Variants in PCDH9 observed in about 807,000 individuals in gnomAD.
PCDH9 encodes the protein protocadherin 9.
A neutral mutation model predicts 70.6 loss-of-function variants in PCDH9; 24 were observed. The ratio of observed to expected loss-of-function variants is 0.34; its 90% CI spans 0.25 to 0.48. The LOEUF is 0.48. Among genes scored for constraint, PCDH9 ranks in the 20% least tolerant of loss-of-function variants. The pLI, the probability that PCDH9 is intolerant of heterozygous loss-of-function variation, is 0.99. For missense variants in PCDH9, 1,281 were observed against 1,503.6 expected (o/e 0.85, Z 2.45); for synonymous variants, 562 against 558.5 (o/e 1.01, Z -0.09).
At chr13:67,144,921 G>C (rs1231336631) in intron 2 of PCDH9, among the ~76,000 whole-genome samples, 1 of 152,046 alleles carries the variant, frequency 6.6e-6, no homozygotes, top group Non-Finnish European at 1.5e-5. Context: ...AATCCCACCT[G>C]TCACTTTAAC....
At chr13:66,873,699 A>C (rs1309861534) in intron 3 of PCDH9, among the ~76,000 whole-genome samples, 1 of 151,924 alleles carries the variant, frequency 6.6e-6, no homozygotes, top group East Asian at 1.9e-4. Flanking sequence ...CAGCTTCCCA[A>C]GCCTTCCTCT....
intron 2 of PCDH9, among the ~76,000 whole-genome samples, chr13:67,156,565 T>G (rs906109407): frequency 6.6e-6 from 1 of 152,068 alleles, no homozygotes; most frequent in Admixed American, 6.6e-5. Context: ...ATCTCCCTTC[T>G]GGCTCCCCCA....
chr13:66,604,169 T>C (rs574223244), intron 4 of PCDH9, among the ~76,000 whole-genome samples: 10 of 152,196 alleles, frequency 6.6e-5, no homozygotes, highest in Non-Finnish European at 1.0e-4. Flanking sequence ...TATTCTCTTA[T>C]GCTTTCTTTG....
At chr13:66,322,213 C>G (rs948153438) in intron 4 of PCDH9, among the ~76,000 whole-genome samples, 2 of 151,868 alleles carry the variant, frequency 1.3e-5, no homozygotes, top group East Asian at 3.9e-4. Flanking sequence ...ACTCAAGTCC[C>G]TAACAAAATA....
chr13:66,406,860 A>G (rs1397671009), intron 4 of PCDH9, among the ~76,000 whole-genome samples: 1 of 152,196 alleles, frequency 6.6e-6, no homozygotes. Flanking sequence ...TTCCTTCATC[A>G]TGTTTTCATC....
rs748410495 is a variant in PCDH9, at chr13:67,227,784, C to T, written c.657G>A (p.Val219=). 22 of 1,613,708 alleles carry T rather than the reference C, an allele frequency of 1.4e-5. No individual in the cohort carries two copies. The highest frequency in any genetic ancestry group is 1.8e-5 in the Non-Finnish European group (21 of 1,179,712). ...NLDREQKDTY[V]MKIKVEDGGT... ...CTCCATCCTCTACTTTGATTTTCATCACATAGGTATCTTTCTGTTCTCTAT... is the reference window on the plus strand; with the variant it reads ...CTCCATCCTCTACTTTGATTTTCATTACATAGGTATCTTTCTGTTCTCTAT... The change falls in exon 2 of 5, where the codon GTG becomes GTA. Residue 219 remains valine (V), a synonymous_variant. Coordinates refer to ENST00000377865, the MANE Select transcript of PCDH9 (RefSeq NM_203487.3). The surrounding 1 kb of genome is among the most constrained non-coding windows in gnomAD (Gnocchi z 4.6).
At chr13:66,562,534 G>A (rs2076588884) in intron 4 of PCDH9, among the ~76,000 whole-genome samples, 1 of 152,172 alleles carries the variant, frequency 6.6e-6, no homozygotes, top group Admixed American at 6.5e-5. Context: ...GTCTTACATG[G>A]TAGCAGGCAA....
chr13:67,223,847 T>C (rs2089787771), intron 2 of PCDH9: 1 of 152,154 alleles, frequency 6.6e-6, no homozygotes, highest in East Asian at 1.9e-4. Flanking sequence ...CTCTACTGTT[T>C]AATATTTTAC....
chr13:66,673,837 G>A (rs566944626), intron 3 of PCDH9, among the ~76,000 whole-genome samples: 2 of 152,094 alleles, frequency 1.3e-5, no homozygotes, highest in South Asian at 4.2e-4. Context: ...CACAGCATTC[G>A]TTTAAGTAAT....
At chr13:66,466,279 AC>A (rs1256869799) in intron 4 of PCDH9, among the ~76,000 whole-genome samples, 1 of 151,864 alleles carries the variant, frequency 6.6e-6, no homozygotes, top group African/African-American at 2.4e-5. Flanking sequence ...CCATTGATAC[AC>A]TATGAATTCT....
At position 67,199,489 on chromosome 13, in the gene PCDH9, TAA is replaced by T. The variant is rs1321250842; in HGVS notation, c.3036+25914_3036+25915del. On this transcript the variant is annotated intron_variant, in intron 2 of 4. Transcript: ENST00000377865. ...GCAAAATACATCTTTGAAGTGAAAT[TAA>T]GTGACGAACATTATTTGGATAATGT... Among the ~76,000 whole-genome samples the T allele has an allele frequency of 5.9e-5, 9 of 152,066 alleles. No homozygotes were observed. In the East Asian group the frequency reaches 1.7e-3, roughly 29 times the overall value.
intron 2 of PCDH9, chr13:67,223,038 T>A (rs1433544755): frequency 1.3e-5 from 2 of 152,154 alleles, no homozygotes; most frequent in Non-Finnish European, 2.9e-5. Context: ...TTAAAAGGTG[T>A]AAGCAAAGCC....
intron 4 of PCDH9, among the ~76,000 whole-genome samples, chr13:66,569,373 A>T (rs1011709185): frequency 2.0e-5 from 3 of 151,352 alleles, no homozygotes; most frequent in African/African-American, 7.3e-5. Flanking sequence ...TAAATTACAA[A>T]CTCACCTAAA....
intron 4 of PCDH9, among the ~76,000 whole-genome samples, chr13:66,575,630 T>C (rs553921740): frequency 5.3e-5 from 8 of 152,278 alleles, no homozygotes; most frequent in Non-Finnish European, 8.8e-5. Context: ...AATTCCTTCT[T>C]CTCACTGTGT....
At chr13:66,515,960 G>C (rs995824763) in intron 4 of PCDH9, among the ~76,000 whole-genome samples, 4 of 151,900 alleles carry the variant, frequency 2.6e-5, no homozygotes, top group African/African-American at 9.7e-5. Context: ...ACATTTACAA[G>C]TTTACAAGGG....
chr13:67,152,964 C>A (rs1302282614), intron 2 of PCDH9, among the ~76,000 whole-genome samples: 31 of 151,832 alleles, frequency 2.0e-4, no homozygotes, highest in Admixed American at 2.0e-3. Context: ...GTATCCCCCG[C>A]CCCAGTGAAG....
chr13:66,814,939 T>C (rs1234179770), intron 3 of PCDH9, among the ~76,000 whole-genome samples: 1 of 152,044 alleles, frequency 6.6e-6, no homozygotes, highest in East Asian at 1.9e-4. Context: ...AGATTTTACA[T>C]AGCAGAAGAA....
intron 4 of PCDH9, among the ~76,000 whole-genome samples, chr13:66,585,959 G>A (rs1234875079): frequency 6.6e-6 from 1 of 152,100 alleles, no homozygotes; most frequent in Non-Finnish European, 1.5e-5. Context: ...TTTATCTTGG[G>A]TCAAGACTAT....
At chr13:66,793,325 A>G (rs575314191) in intron 3 of PCDH9, among the ~76,000 whole-genome samples, 61 of 152,282 alleles carry the variant, frequency 4.0e-4, no homozygotes, top group African/African-American at 1.4e-3. Flanking sequence ...TTTGCTATGC[A>G]TAGATAGAAA....
Sources: allele counts gnomAD v4.1 joint callset (sites outside exome capture counted in the v4.1 genomes callset), GRCh38; gene constraint gnomAD v4.1.1; non-coding constraint Gnocchi (gnomAD v3.1); transcripts MANE v1.5; gene names NCBI Gene and HGNC (gene_info 2026-07-23, HGNC 2026-07-21).